SLC8A1: variants seen among roughly 807,000 people sequenced by gnomAD.
SLC8A1 encodes solute carrier family 8 member A1, also known as sodium/calcium exchanger 1.
SLC8A1 carries 18 observed loss-of-function variants against 68.3 expected under a neutral mutation model. The ratio of observed to expected loss-of-function variants is 0.26; its 90% CI spans 0.18 to 0.39. The LOEUF (loss-of-function observed/expected upper bound fraction) is 0.39. Among genes scored for constraint, SLC8A1 ranks in the 10% least tolerant of loss-of-function variants. SLC8A1 has a pLI of 1.00. For missense variants in SLC8A1, 985 were observed against 1,156.7 expected, an observed-to-expected ratio of 0.85 and a Z score of 2.15; for synonymous variants, 475 against 415.5, an observed-to-expected ratio of 1.14 and a Z score of -1.74.
At chr2:40,344,532 C>A (rs1456026570) in intron 2 of SLC8A1, among the ~76,000 whole-genome samples, 6 of 152,112 alleles carry the variant, frequency 3.9e-5, no homozygotes. Context: ...GAGTAAGACA[C>A]CCAGACTCAC....
At chr2:40,263,911 C>A (rs1011702128) in intron 2 of SLC8A1, among the ~76,000 whole-genome samples, 31 of 152,214 alleles carry the variant, frequency 2.0e-4, no homozygotes, top group Non-Finnish European at 3.8e-4. Flanking sequence ...AGTGAACAGG[C>A]AACCTACAGA....
intron 2 of SLC8A1, among the ~76,000 whole-genome samples, chr2:40,193,324 G>A (rs2052255205): frequency 6.6e-6 from 1 of 152,058 alleles, no homozygotes; most frequent in South Asian, 2.1e-4. Context: ...CCTTTACTGA[G>A]TATCCAATTT....
chr2:40,341,921 T>C (rs1244383442), intron 2 of SLC8A1, among the ~76,000 whole-genome samples: 4 of 152,200 alleles, frequency 2.6e-5, no homozygotes, highest in Non-Finnish European at 2.9e-5. Context: ...TCTATCTGCC[T>C]GGAGTGTGGA....
At chr2:40,190,846 C>G (rs1476661967) in intron 2 of SLC8A1, 1 of 152,110 alleles carries the variant, frequency 6.6e-6, no homozygotes, top group Non-Finnish European at 1.5e-5. Flanking sequence ...TAGCAGTTGC[C>G]TGTCTCTCCA....
At chr2:40,411,648 A>G (rs1692196264) in intron 2 of SLC8A1, among the ~76,000 whole-genome samples, 1 of 152,094 alleles carries the variant, frequency 6.6e-6, no homozygotes, top group Non-Finnish European at 1.5e-5. Context: ...GCCTCATTAA[A>G]TAAATTGTAT....
intron 1 of SLC8A1, among the ~76,000 whole-genome samples, chr2:40,492,793 A>G (rs1468762876): frequency 1.1e-4 from 17 of 149,050 alleles, no homozygotes; most frequent in Non-Finnish European, 2.4e-4. Context: ...AACCACAATG[A>G]GATACCATCT....
intron 1 of SLC8A1, among the ~76,000 whole-genome samples, chr2:40,442,937 A>G (rs1308518320): frequency 6.6e-6 from 1 of 152,218 alleles, no homozygotes; most frequent in Non-Finnish European, 1.5e-5. Context: ...ACAAGGAGTG[A>G]GATCATGTCC....
chr2:40,118,264 C>T (rs2035933762), intron 7 of SLC8A1: 1 of 152,258 alleles, frequency 6.6e-6, no homozygotes, highest in African/African-American at 2.4e-5. Flanking sequence ...TCTCAGTCCA[C>T]ACCACATTGC....
chr2:40,411,522 C>G (rs952732401), intron 2 of SLC8A1, among the ~76,000 whole-genome samples: 1 of 151,714 alleles, frequency 6.6e-6, no homozygotes, highest in Non-Finnish European at 1.5e-5. Context: ...AAATGTGAGC[C>G]ATGATTTTTT....
At chr2:40,120,366 C>T (rs986268887) in intron 7 of SLC8A1, among the ~76,000 whole-genome samples, 1 of 152,216 alleles carries the variant, frequency 6.6e-6, no homozygotes, top group African/African-American at 2.4e-5. Context: ...ATGAAAGAGG[C>T]AGCCAAGGTG....
chr2:40,395,697 A>G (rs1686696173), intron 2 of SLC8A1, among the ~76,000 whole-genome samples: 1 of 152,186 alleles, frequency 6.6e-6, no homozygotes, highest in Admixed American at 6.5e-5. Flanking sequence ...ATTTTCAGAA[A>G]TGTCTGCTTA....
chr2:40,363,666 G>A (rs1242317431), intron 2 of SLC8A1, among the ~76,000 whole-genome samples: 1 of 152,072 alleles, frequency 6.6e-6, no homozygotes, highest in Non-Finnish European at 1.5e-5. Context: ...ATGCAAATAA[G>A]CCCATCAGAG....
chr2:40,240,967 G>A (rs980628541), intron 2 of SLC8A1, among the ~76,000 whole-genome samples: 12 of 152,102 alleles, frequency 7.9e-5, no homozygotes, highest in African/African-American at 2.9e-4. Flanking sequence ...TAAAACAGAG[G>A]TACTATTCAA....
chr2:40,341,768 C>T (rs185309300), intron 2 of SLC8A1, among the ~76,000 whole-genome samples: 1 of 152,240 alleles, frequency 6.6e-6, no homozygotes, highest in East Asian at 1.9e-4. Context: ...ATTAGTTACA[C>T]TGGTTTTTTG....
intron 2 of SLC8A1, among the ~76,000 whole-genome samples, chr2:40,302,869 T>C (rs1325498056): frequency 6.6e-6 from 1 of 152,116 alleles, no homozygotes; most frequent in African/African-American, 2.4e-5. Flanking sequence ...TGAAGAAGTG[T>C]TCCCTTCCAA....
intron 2 of SLC8A1, among the ~76,000 whole-genome samples, chr2:40,269,673 G>C (rs975508750): frequency 6.6e-6 from 1 of 152,172 alleles, no homozygotes; most frequent in African/African-American, 2.4e-5. Flanking sequence ...GCCACTGATT[G>C]TAAGGGAGCA....
intron 2 of SLC8A1, among the ~76,000 whole-genome samples, chr2:40,309,323 C>T (rs1439290471): frequency 6.6e-6 from 1 of 152,128 alleles, no homozygotes; most frequent in Admixed American, 6.5e-5. Flanking sequence ...CAGTAATCAT[C>T]ATAGCTTCTT....
intron 2 of SLC8A1, among the ~76,000 whole-genome samples, chr2:40,418,635 G>A (rs1322065894): frequency 2.0e-5 from 3 of 152,188 alleles, no homozygotes; most frequent in Non-Finnish European, 2.9e-5. Flanking sequence ...TCAAGTGTGA[G>A]TAACACATGC....
chr2:40,479,471 A>G (rs1163124981), intron 1 of SLC8A1, among the ~76,000 whole-genome samples: 1 of 152,206 alleles, frequency 6.6e-6, no homozygotes, highest in Non-Finnish European at 1.5e-5. Context: ...TAAGCTCATA[A>G]CAATTTATAT....
Sources: gnomAD v4.1 joint callset for allele counts (sites outside exome capture counted in the v4.1 genomes callset) on GRCh38, gnomAD v4.1.1 for gene constraint, MANE v1.5 for transcripts, NCBI Gene and HGNC (gene_info 2026-07-23, HGNC 2026-07-21) for gene names.